EYS: variants seen among roughly 807,000 people sequenced by gnomAD.
The protein encoded by EYS is EGF-like photoreceptor maintenance factor, also known as protein eyes shut homolog.
In EYS, 250 loss-of-function variants were observed where a neutral mutation model predicts 282.1. That is an observed-to-expected ratio of 0.89 (90% CI 0.80 to 0.98). The LOEUF (loss-of-function observed/expected upper bound fraction) is 0.98. Ranked by LOEUF, EYS falls within the 50% of genes least tolerant of loss-of-function variation. The probability of loss-of-function intolerance (pLI) is 0.00; values close to 1 mark genes in which losing one functional copy is unlikely to be tolerated. For synonymous variants in EYS, 1,355 were observed against 1,282.9 expected, an observed-to-expected ratio of 1.06 and a Z score of -1.20; for missense variants, 4,016 against 3,709.0, an observed-to-expected ratio of 1.08 and a Z score of -2.15.
intron 12 of EYS, among the ~76,000 whole-genome samples, chr6:65,158,951 A>G (rs911705193): frequency 6.6e-6 from 1 of 150,860 alleles, no homozygotes; most frequent in African/African-American, 2.4e-5. Flanking sequence ...CATGCAACCA[A>G]CAAACTTTTA....
chr6:65,090,722 C>A (rs1774533996), intron 12 of EYS, among the ~76,000 whole-genome samples: 1 of 152,130 alleles, frequency 6.6e-6, no homozygotes, highest in East Asian at 1.9e-4. Flanking sequence ...ATCCACAACA[C>A]AAAGCTGCTG....
At chr6:65,259,311 TAC>T (rs1767555744) in intron 12 of EYS, among the ~76,000 whole-genome samples, 1 of 152,014 alleles carries the variant, frequency 6.6e-6, no homozygotes, top group South Asian at 2.1e-4. Flanking sequence ...CAGCTGGAAA[TAC>T]AGAGTGAGTC....
Position 63,721,480 on chromosome 6 carries a change from C to T in EYS, c.8551G>A (p.Val2851Ile). The change falls in exon 43 of 43, where the codon GTT becomes ATT. Residue 2851 changes from valine to isoleucine, a missense_variant. Val to Ile is a conservative substitution (Grantham distance 29, BLOSUM62 3). Coordinates refer to ENST00000503581, the MANE Select transcript of EYS (RefSeq NM_001142800.2). ...PVGFQGCIRQ[V>I]IINNQELQLT... The stretch of plus-strand genomic sequence containing the variant: ...TGTAATTCTTGATTATTTATGATAA[C>T]TTGTCGGATACAGCCTTGAAAACCT... The T allele has an allele frequency of 6.4e-7, 1 of 1,551,636 alleles. No individual in the cohort carries two copies. The highest frequency in any genetic ancestry group is 8.7e-7 in the Non-Finnish European group (1 of 1,146,890).
chr6:65,701,590 C>A (rs1769677060), intron 1 of EYS, among the ~76,000 whole-genome samples: 1 of 152,158 alleles, frequency 6.6e-6, no homozygotes, highest in Admixed American at 6.5e-5. Flanking sequence ...AAAATACCCT[C>A]CCAGGCAATG....
At chr6:64,152,105 T>C (rs1562227176) in intron 31 of EYS, among the ~76,000 whole-genome samples, 1 of 152,166 alleles carries the variant, frequency 6.6e-6, no homozygotes, top group South Asian at 2.1e-4. Flanking sequence ...TATTTTTATC[T>C]TGTTTACTCG....
intron 33 of EYS, among the ~76,000 whole-genome samples, chr6:64,008,122 T>C (rs1212429588): frequency 2.0e-5 from 3 of 152,208 alleles, no homozygotes; most frequent in Non-Finnish European, 2.9e-5. Flanking sequence ...AAATTCTTCA[T>C]AGGTCTCTAA....
intron 19 of EYS, among the ~76,000 whole-genome samples, chr6:64,838,432 T>G (rs151259544): frequency 1.3e-5 from 2 of 152,086 alleles, no homozygotes; most frequent in African/African-American, 4.8e-5. Context: ...CTCTATCTAT[T>G]CTTTTGCCTA....
chr6:64,235,669 A>T (rs1477332707), intron 30 of EYS, among the ~76,000 whole-genome samples: 1 of 152,130 alleles, frequency 6.6e-6, no homozygotes, highest in Admixed American at 6.6e-5. Context: ...CGCCACACTG[A>T]CTTCCACAAT....
At chr6:64,974,733 T>C (rs532235230) in intron 14 of EYS, among the ~76,000 whole-genome samples, 2 of 152,030 alleles carry the variant, frequency 1.3e-5, no homozygotes, top group East Asian at 1.9e-4. Flanking sequence ...TATGAGCTTA[T>C]TTAGACTAGC....
At chr6:64,911,237 TC>T (rs1317273409) in intron 16 of EYS, among the ~76,000 whole-genome samples, 4 of 152,160 alleles carry the variant, frequency 2.6e-5, no homozygotes, top group South Asian at 2.1e-4. Flanking sequence ...CATCAAATGC[TC>T]CCCTTGTATT....
intron 33 of EYS, among the ~76,000 whole-genome samples, chr6:64,055,487 C>A (rs1417798390): frequency 6.6e-6 from 1 of 152,100 alleles, no homozygotes; most frequent in Non-Finnish European, 1.5e-5. Flanking sequence ...GCTTTGCTTC[C>A]TCACTTCCCC....
At chr6:65,013,597 T>G (rs1771949658) in intron 13 of EYS, among the ~76,000 whole-genome samples, 1 of 152,162 alleles carries the variant, frequency 6.6e-6, no homozygotes, top group Non-Finnish European at 1.5e-5. Flanking sequence ...TGGGTGAGGC[T>G]GGGTGCAGTG....
intron 31 of EYS, among the ~76,000 whole-genome samples, chr6:64,228,618 A>G (rs1412957044): frequency 2.0e-5 from 3 of 152,170 alleles, no homozygotes; most frequent in African/African-American, 4.8e-5. Flanking sequence ...AAAATATTAT[A>G]AATTCAGCAA....
At chr6:65,525,637 G>A (rs183944519) in intron 2 of EYS, among the ~76,000 whole-genome samples, 47 of 152,218 alleles carry the variant, frequency 3.1e-4, no homozygotes, top group Admixed American at 1.6e-3. Flanking sequence ...CACAGAGTAC[G>A]GCATTTGACA....
chr6:65,375,181 G>A (rs1238708152), intron 8 of EYS, among the ~76,000 whole-genome samples: 1 of 152,166 alleles, frequency 6.6e-6, no homozygotes, highest in African/African-American at 2.4e-5. Flanking sequence ...AGCTTCCAGA[G>A]GAGGGAACAG....
intron 5 of EYS, among the ~76,000 whole-genome samples, chr6:65,420,984 G>A (rs1767435601): frequency 6.6e-6 from 1 of 151,772 alleles, no homozygotes; most frequent in Non-Finnish European, 1.5e-5. Context: ...TTTCTAGAGG[G>A]CAGGCAGAGT....
intron 30 of EYS, among the ~76,000 whole-genome samples, chr6:64,283,134 G>A (rs73766045): frequency 0.038 from 5,802 of 152,102 alleles, 358 homozygotes; most frequent in African/African-American, 0.13. Flanking sequence ...TCATTTTCAC[G>A]TGAATACTTT....
intron 40 of EYS, among the ~76,000 whole-genome samples, chr6:63,763,520 GA>G (rs1191862975): frequency 6.6e-6 from 1 of 151,962 alleles, no homozygotes; most frequent in Non-Finnish European, 1.5e-5. Context: ...ACCAGGTGGA[GA>G]AAATTGACTC....
chr6:64,802,190 T>C (rs942957550), intron 22 of EYS, among the ~76,000 whole-genome samples: 14 of 151,546 alleles, frequency 9.2e-5, no homozygotes, highest in African/African-American at 2.4e-4. Flanking sequence ...CCCACCACCA[T>C]GCCCGGCTAA....
Sources: allele counts gnomAD v4.1 joint callset (sites outside exome capture counted in the v4.1 genomes callset), GRCh38; gene constraint gnomAD v4.1.1; transcripts MANE v1.5; gene names NCBI Gene and HGNC (gene_info 2026-07-23, HGNC 2026-07-21).